LARGE1: variants seen among roughly 807,000 people sequenced by gnomAD.
LARGE1 encodes the protein xylosyl- and glucuronyltransferase LARGE1.
In LARGE1, 43 loss-of-function variants were observed where a neutral mutation model predicts 87.6. That is an observed-to-expected ratio of 0.49 (90% CI 0.38 to 0.63). LARGE1 has a LOEUF of 0.63. Among genes scored for constraint, LARGE1 ranks in the 30% least tolerant of loss-of-function variants. The pLI is 0.00. For synonymous variants in LARGE1, 434 were observed against 394.6 expected, an observed-to-expected ratio of 1.10 and a Z score of -1.18; for missense variants, 802 against 1,000.2, an observed-to-expected ratio of 0.80 and a Z score of 2.67.
intron 6 of LARGE1, among the ~76,000 whole-genome samples, chr22:33,450,974 C>T (rs928954116): frequency 1.6e-4 from 25 of 152,160 alleles, no homozygotes; most frequent in South Asian, 2.1e-4. Context: ...CACATAAACA[C>T]GGGGTAAAGC....
In LARGE1 at chr22:33,316,173, G is replaced by A. The variant is rs750455380; in HGVS notation, c.1363C>T (p.Arg455Cys). ...TAGTGCAGGAAGTACAGGTGGGTGC[G>A]GTGGACAGTGAAGCGCTCTCGCCGG... ...EFRRERFTVH[R>C]THLYFLHYEY... The change falls in exon 11 of 15, where the codon CGC (arginine) becomes TGC (cysteine). Residue 455 changes from arginine to cysteine, a missense_variant. By Grantham distance (180) the Arg-to-Cys change is radical. This residue lies in a region of LARGE1 where 625 missense variants were observed against 841.9 expected (regional missense o/e 0.74). Coordinates refer to ENST00000397394, the MANE Select transcript of LARGE1 (RefSeq NM_133642.5). 1 of 1,614,070 alleles carries A rather than the reference G, an allele frequency of 6.2e-7. No individual in the cohort carries two copies. Among genetic ancestry groups the A allele is most frequent in the Non-Finnish European group, 8.5e-7 (1 of 1,180,002 alleles).
chr22:33,143,930 A>G, the LARGE1 span, among the ~76,000 whole-genome samples: 1 of 152,150 alleles, frequency 6.6e-6, no homozygotes, highest in Non-Finnish European at 1.5e-5. Context: ...CTATATGTTA[A>G]AATTTTCTTA....
At chr22:33,227,051 T>G (rs1925776125) in intron 11 of LARGE1, among the ~76,000 whole-genome samples, 1 of 151,960 alleles carries the variant, frequency 6.6e-6, no homozygotes, top group Non-Finnish European at 1.5e-5. Flanking sequence ...TAACTCTGAG[T>G]GACTATATTT....
At chr22:33,149,751 C>T in the LARGE1 span, among the ~76,000 whole-genome samples, 2 of 152,270 alleles carry the variant, frequency 1.3e-5, no homozygotes, top group South Asian at 4.1e-4. Context: ...AAATTCAGCT[C>T]CTTATGCTTG....
At chr22:33,349,467 C>G (rs1245920899) in intron 9 of LARGE1, among the ~76,000 whole-genome samples, 1 of 152,164 alleles carries the variant, frequency 6.6e-6, no homozygotes, top group East Asian at 1.9e-4. Context: ...GGAGGCTCAG[C>G]ACTAGCTAAA....
intron 1 of LARGE1, among the ~76,000 whole-genome samples, chr22:33,784,750 AATAT>A (rs905889449): frequency 2.0e-5 from 3 of 151,988 alleles, no homozygotes; most frequent in African/African-American, 7.2e-5. Flanking sequence ...GTACATAAAC[AATAT>A]ATATACCATA....
chr22:33,146,035 A>G, the LARGE1 span, among the ~76,000 whole-genome samples: 5 of 152,194 alleles, frequency 3.3e-5, no homozygotes, highest in African/African-American at 1.2e-4. Flanking sequence ...TTTATTAAGC[A>G]CTTTTTCCCA....
the LARGE1 span, chr22:33,109,080 C>T: frequency 1.3e-5 from 2 of 152,024 alleles, no homozygotes; most frequent in African/African-American, 2.4e-5. Flanking sequence ...ATGAAGGTTG[C>T]CTTTTATTGA....
chr22:33,549,203 G>C (rs2077451071), intron 6 of LARGE1, among the ~76,000 whole-genome samples: 1 of 152,200 alleles, frequency 6.6e-6, no homozygotes, highest in Non-Finnish European at 1.5e-5. Context: ...CAAGCCCAGT[G>C]CATGGTGCAG....
intron 11 of LARGE1, among the ~76,000 whole-genome samples, chr22:33,262,478 A>G (rs1463404728): frequency 6.6e-6 from 1 of 152,120 alleles, no homozygotes. Flanking sequence ...GTGGCCCCAG[A>G]CCATTGCTCT....
At chr22:33,200,881 A>G (rs1019601103) in intron 11 of LARGE1, among the ~76,000 whole-genome samples, 1 of 152,228 alleles carries the variant, frequency 6.6e-6, no homozygotes, top group South Asian at 2.1e-4. Flanking sequence ...GGAATTAGAC[A>G]GTGGTGATGA....
chr22:33,811,868 C>G (rs959396262), intron 1 of LARGE1, among the ~76,000 whole-genome samples: 19 of 152,052 alleles, frequency 1.2e-4, no homozygotes, highest in African/African-American at 4.6e-4. Flanking sequence ...TACTTCAGGC[C>G]AGGGATAATG....
At chr22:33,849,592 C>CTTTTTTTTTTTTTTTTTTTTTT (rs71187287) in intron 1 of LARGE1, among the ~76,000 whole-genome samples, 1 of 88,594 alleles carries the variant, frequency 1.1e-5, no homozygotes, top group Non-Finnish European at 2.0e-5. Flanking sequence ...CTTTTCTTCT[C>CTTTTTTTTTTTTTTTTTTTTTT]TTTTTTTTTT....
chr22:33,198,810 A>C (rs1235778655), intron 11 of LARGE1, among the ~76,000 whole-genome samples: 1 of 152,138 alleles, frequency 6.6e-6, no homozygotes, highest in Non-Finnish European at 1.5e-5. Context: ...TGATAAACAC[A>C]CTAGTGCCAG....
chr22:33,719,529 TTA>T (rs1491129980), intron 2 of LARGE1, among the ~76,000 whole-genome samples: 3 of 151,152 alleles, frequency 2.0e-5, no homozygotes, highest in African/African-American at 4.9e-5. Context: ...ATTTATTTAT[TTA>T]TTTTTTTGAG....
At chr22:33,138,157 C>T in the LARGE1 span, among the ~76,000 whole-genome samples, 1 of 152,178 alleles carries the variant, frequency 6.6e-6, no homozygotes, top group African/African-American at 2.4e-5. Context: ...CTGACCAAGA[C>T]CGTGGGAATC....
At chr22:33,127,668 G>T in the LARGE1 span, among the ~76,000 whole-genome samples, 2 of 152,212 alleles carry the variant, frequency 1.3e-5, no homozygotes, top group African/African-American at 4.8e-5. Flanking sequence ...GGAGAAGACA[G>T]TGAGGGGTAA....
intron 9 of LARGE1, among the ~76,000 whole-genome samples, chr22:33,364,407 C>T (rs562090461): frequency 1.3e-5 from 2 of 152,208 alleles, no homozygotes; most frequent in South Asian, 2.1e-4. Context: ...TTTTCAATCC[C>T]GTTCCGCGTT....
At chr22:33,179,318 A>G (rs5998785) in intron 11 of LARGE1, among the ~76,000 whole-genome samples, 94,373 of 152,048 alleles carry the variant, frequency 0.62, 29,579 homozygotes, top group Middle Eastern at 0.69. Context: ...TTAGAATGAG[A>G]TTGGAGCACT....
Sources: allele counts gnomAD v4.1 joint callset (sites outside exome capture counted in the v4.1 genomes callset), GRCh38; gene constraint gnomAD v4.1.1; regional missense constraint gnomAD v4.1.1; transcripts MANE v1.5; gene names NCBI Gene and HGNC (gene_info 2026-07-23, HGNC 2026-07-21).